DDX24: variants seen among roughly 807,000 people sequenced by gnomAD.
DDX24 encodes the protein ATP-dependent RNA helicase DDX24.
In DDX24, 24 loss-of-function variants were observed where a neutral mutation model predicts 68.9. The ratio of observed to expected loss-of-function variants is 0.35; its 90% CI spans 0.25 to 0.49. The LOEUF (loss-of-function observed/expected upper bound fraction) is 0.49. Ranked by LOEUF, DDX24 falls within the 20% of genes least tolerant of loss-of-function variation. DDX24 has a pLI of 0.99. For missense variants in DDX24, 989 were observed against 1,039.0 expected, an observed-to-expected ratio of 0.95 and a Z score of 0.66; for synonymous variants, 395 against 385.2, an observed-to-expected ratio of 1.03 and a Z score of -0.30.
chr14:94,057,977 A>C (rs1885521461), intron 5 of DDX24, 80 bp from the exon 6 acceptor site: 10 of 1,335,904 alleles, frequency 7.5e-6, no homozygotes, highest in Non-Finnish European at 1.1e-5. Flanking sequence ...TGAGCATCCT[A>C]AACATTACAG....
chr14:94,073,009 A>G (rs1385952034), intron 2 of DDX24, among the ~76,000 whole-genome samples: 1 of 152,160 alleles, frequency 6.6e-6, no homozygotes, highest in Non-Finnish European at 1.5e-5. Flanking sequence ...TATCAGTCAA[A>G]AAATAAATAA....
Position 94,060,109 on chromosome 14 carries a change from G to C in DDX24, c.1902C>G (p.Ala634=), listed in dbSNP as rs745696832. The part of the protein sequence containing the change: ...KQRLRNLEQF[A]RLEDCVLLAT... ...CAGTCCTAACTTACTCTTCCAGACG[G>C]GCAAACTGCTCCAGGTTTCTGAGCC... The change falls in exon 5 of 9, where the codon GCC becomes GCG. Residue 634 remains alanine (A), a synonymous_variant. Coordinates refer to ENST00000621632, the MANE Select transcript of DDX24 (RefSeq NM_020414.4). 2.5e-6 allele frequency: 4 copies of C among 1,612,118 alleles called. No homozygotes were observed. The highest frequency in any genetic ancestry group is 3.4e-6 in the Non-Finnish European group (4 of 1,178,622).
rs1387171111 is a variant in DDX24, at chr14:94,049,244, A to C, written c.*1947T>G. The C allele has an allele frequency of 6.6e-6, 1 of 152,278 alleles. No homozygotes were observed. Among genetic ancestry groups the C allele is most frequent in the African/African-American group, 2.4e-5 (1 of 41,450 alleles). The allele number at this position is 152,278 out of a possible 1,614,324, so 9.4% of individuals were successfully genotyped here. ...GGGGATCTATGTTTGGCTTATGGCA[A>C]GTGGCTTCACTCCCACGGCTCAGGT... is the stretch of plus-strand genomic sequence containing the variant. On this transcript the variant is annotated 3_prime_UTR_variant, in exon 9 of 9. Coordinates refer to ENST00000621632, the MANE Select transcript of DDX24 (RefSeq NM_020414.4).
At chr14:94,070,048 C>T (rs1885797467) in intron 2 of DDX24, among the ~76,000 whole-genome samples, 1 of 151,988 alleles carries the variant, frequency 6.6e-6, no homozygotes, top group South Asian at 2.1e-4. Flanking sequence ...AAAGGGCATC[C>T]AAATCAGTAA....
intron 2 of DDX24, among the ~76,000 whole-genome samples, chr14:94,075,219 AAGTT>A (rs1263468866): frequency 5.3e-5 from 8 of 152,302 alleles, no homozygotes; most frequent in Admixed American, 1.3e-4. Context: ...AAAAAGAACA[AAGTT>A]AGAGGACTCA....
intron 2 of DDX24, among the ~76,000 whole-genome samples, chr14:94,068,420 C>T (rs1236035523): frequency 6.6e-6 from 1 of 152,160 alleles, no homozygotes; most frequent in Non-Finnish European, 1.5e-5. Flanking sequence ...TAGTGGGGGA[C>T]TTCAATACTC....
intron 2 of DDX24, among the ~76,000 whole-genome samples, chr14:94,072,701 A>G (rs1430396510): frequency 6.6e-6 from 1 of 152,080 alleles, no homozygotes; most frequent in East Asian, 1.9e-4. Context: ...ATGGTGGCAC[A>G]TGCCTGTAGT....
chr14:94,065,487 T>C (rs964638455), intron 2 of DDX24, among the ~76,000 whole-genome samples: 1 of 152,020 alleles, frequency 6.6e-6, no homozygotes, highest in African/African-American at 2.4e-5. Flanking sequence ...CTGATGCTGC[T>C]CCCGGGATCA....
At position 94,057,901 on chromosome 14, in the gene DDX24, G is replaced by C. The variant is rs1333254639; in HGVS notation, c.1914-4C>G. 1.9e-6 allele frequency: 3 copies of C among 1,612,870 alleles called. No individual in the cohort carries two copies. The highest frequency in any genetic ancestry group is 2.5e-6 in the Non-Finnish European group (3 of 1,179,608). ...ATCTGTTGCCAAGAGAACACAGCTG[G>C]GGTAGAGAGAGAAAGCTTATTAATA... On this transcript the variant is annotated splice_region_variant and splice_polypyrimidine_tract_variant and intron_variant, in intron 5 of 8. Transcript: ENST00000621632.
At position 94,051,225 on chromosome 14, in the gene DDX24, G is replaced by A. The variant is rs748256432; in HGVS notation, c.2546C>T (p.Pro849Leu). 27 of 1,583,352 alleles carry A rather than the reference G, an allele frequency of 1.7e-5. No homozygotes were observed. Among genetic ancestry groups the A allele is most frequent in the Admixed American group, 7.4e-5 (4 of 54,324 alleles). ...KKTKKPKEPQPEQPQPSTSAN is the reference protein window; with the variant it reads ...KKTKKPKEPQLEQPQPSTSAN ...ACTTGTACTTGGCTGTGGCTGTTCCGGCTGTGGCTCCTTCGGCTTCTTTGT... is the reference window on the plus strand; with the variant it reads ...ACTTGTACTTGGCTGTGGCTGTTCCAGCTGTGGCTCCTTCGGCTTCTTTGT... Residue 849 changes from proline to leucine, a missense_variant, in exon 9 of 9, where the codon CCG (proline) becomes CTG (leucine). Pro to Leu is a moderately conservative substitution (Grantham distance 98). Around this residue, in one of 3 missense-constraint regions of DDX24, gnomAD observed 691 missense variants for 760.0 expected, o/e 0.91. Transcript: ENST00000621632.
At chr14:94,055,262 A>C in intron 6 of DDX24, 78 bp from the exon 7 acceptor site, 1 of 1,460,430 alleles carries the variant, frequency 6.8e-7, no homozygotes, top group Non-Finnish European at 9.3e-7. Context: ...ACATCCCCAA[A>C]CCAGACCCTC....
intron 5 of DDX24, 138 bp downstream of exon 5, chr14:94,059,956 CAAAA>C (rs36013055): frequency 1.6e-5 from 13 of 820,620 alleles, no homozygotes; most frequent in South Asian, 5.1e-5. Context: ...AAATGCTGTG[CAAAA>C]AAAAAAAAAG....
At chr14:94,066,641 T>A (rs2144307) in intron 2 of DDX24, among the ~76,000 whole-genome samples, 1 of 152,158 alleles carries the variant, frequency 6.6e-6, no homozygotes, top group East Asian at 1.9e-4. Flanking sequence ...GAGAGCCCCA[T>A]AGACGGTTAA....
At chr14:94,076,006 A>T (rs1885932044) in intron 2 of DDX24, among the ~76,000 whole-genome samples, 1 of 152,256 alleles carries the variant, frequency 6.6e-6, no homozygotes, top group South Asian at 2.1e-4. Context: ...GACCAACTTG[A>T]ACTCATACCA....
chr14:94,067,906 T>C (rs1885737608), intron 2 of DDX24, among the ~76,000 whole-genome samples: 1 of 151,752 alleles, frequency 6.6e-6, no homozygotes, highest in Admixed American at 6.6e-5. Context: ...AAAGTAAAAA[T>C]CACACAGGAT....
intron 3 of DDX24, 80 bp downstream of exon 3, chr14:94,062,017 G>C: frequency 7.0e-7 from 1 of 1,436,300 alleles, no homozygotes; most frequent in Non-Finnish European, 9.3e-7. Flanking sequence ...TAGAGGGCAG[G>C]AGCCACAGCT....
At position 94,062,638 on chromosome 14, in the gene DDX24, C is replaced by T; in HGVS notation, c.719-17G>A. Reference sequence around the variant, plus strand: ...TCCCACTTCCTTAAAAGTAAAAAAACAAAACAAAGTAAAAACAGTGTGAAT... The same window carrying T: ...TCCCACTTCCTTAAAAGTAAAAAAATAAAACAAAGTAAAAACAGTGTGAAT... On this transcript the variant is annotated splice_polypyrimidine_tract_variant and intron_variant, in intron 2 of 8. Coordinates refer to ENST00000621632, the MANE Select transcript of DDX24 (RefSeq NM_020414.4). 1 of 1,567,760 alleles carries T rather than the reference C, an allele frequency of 6.4e-7. No homozygotes were observed. The highest frequency in any genetic ancestry group is 1.8e-4 in the Middle Eastern group (1 of 5,646).
At chr14:94,059,857 T>C (rs1885558110) in intron 5 of DDX24, among the ~76,000 whole-genome samples, 1 of 152,150 alleles carries the variant, frequency 6.6e-6, no homozygotes, top group Admixed American at 6.5e-5. Flanking sequence ...ACATTCAATA[T>C]TATGTATTGT....
rs148489393 is a variant in DDX24 at position 94,079,258 on chromosome 14, C to T, written c.485G>A (p.Gly162Glu). Residue 162 changes from glycine to glutamate, a missense_variant, in exon 2 of 9, where the codon GGG (glycine) becomes GAG (glutamate). By Grantham distance (98) the Gly-to-Glu change is moderately conservative (BLOSUM62 -2). Coordinates refer to ENST00000621632, the MANE Select transcript of DDX24 (RefSeq NM_020414.4). ...PKKKKNKGKK[G>E]LEPSQSTAAK... The stretch of plus-strand genomic sequence containing the variant: ...AGCAGTGCTCTGAGAAGGCTCCAAC[C>T]CTTTTTTCCCTTTATTTTTCTTCTT... The T allele has an allele frequency of 1.1e-3, 1,765 of 1,614,144 alleles. 11 individuals carry two copies. In the African/African-American group the frequency reaches 0.02, roughly 19 times the overall value.
Sources: gnomAD v4.1 joint callset for allele counts (sites outside exome capture counted in the v4.1 genomes callset) on GRCh38, gnomAD v4.1.1 for gene constraint, gnomAD v4.1.1 regional missense constraint, MANE v1.5 for transcripts, NCBI Gene and HGNC (gene_info 2026-07-23, HGNC 2026-07-21) for gene names.